Variants in SKIC3 observed in about 807,000 individuals in gnomAD.
SKIC3 encodes superkiller complex protein 3.
the SKIC3 span, among the ~76,000 whole-genome samples, chr5:95,499,329 T>C: frequency 6.6e-6 from 1 of 152,318 alleles, no homozygotes; most frequent in East Asian, 1.9e-4. Context: ...TTTAAAAGTG[T>C]GCAGCACTTT....
chr5:95,487,918 A>T, the SKIC3 span, among the ~76,000 whole-genome samples: 5 of 152,170 alleles, frequency 3.3e-5, no homozygotes, highest in South Asian at 6.2e-4. Flanking sequence ...AGAGAATACT[A>T]AAAACCAGTA....
the SKIC3 span, among the ~76,000 whole-genome samples, chr5:95,494,326 G>A: frequency 3.3e-5 from 5 of 151,978 alleles, no homozygotes; most frequent in Admixed American, 2.6e-4. Context: ...CTTATTTCAT[G>A]GAAATATAAA....
the SKIC3 span, among the ~76,000 whole-genome samples, chr5:95,519,232 C>T: frequency 2.0e-5 from 3 of 151,992 alleles, no homozygotes; most frequent in African/African-American, 7.2e-5. Flanking sequence ...AGAAAAACTT[C>T]AGCTATACAT....
the SKIC3 span, among the ~76,000 whole-genome samples, chr5:95,497,080 C>T: frequency 1.3e-5 from 2 of 152,176 alleles, no homozygotes; most frequent in African/African-American, 2.4e-5. Context: ...TTCAAAAACA[C>T]ATAGCTAATG....
At chr5:95,495,059 T>C in the SKIC3 span, 8 of 1,602,446 alleles carry the variant, frequency 5.0e-6, no homozygotes, top group South Asian at 7.7e-5. Context: ...ATGCAGAAAC[T>C]TTCATGAAAA....
At chr5:95,528,110 A>C in the SKIC3 span, 55 of 1,613,748 alleles carry the variant, frequency 3.4e-5, no homozygotes, top group Non-Finnish European at 7.6e-6. Flanking sequence ...CCTCTGATAA[A>C]GACTGTTACC....
the SKIC3 span, chr5:95,530,156 G>A: frequency 4.3e-6 from 7 of 1,613,510 alleles, no homozygotes; most frequent in East Asian, 2.2e-5. Flanking sequence ...CTAAGCCAAT[G>A]AGGCCTGGAC....
At chr5:95,471,062 T>C in the SKIC3 span, among the ~76,000 whole-genome samples, 1 of 152,192 alleles carries the variant, frequency 6.6e-6, no homozygotes, top group Admixed American at 6.5e-5. Context: ...CTGAGTGCAG[T>C]ATAGGCAATA....
At chr5:95,549,501 A>G in the SKIC3 span, among the ~76,000 whole-genome samples, 581 of 152,160 alleles carry the variant, frequency 3.8e-3, 4 homozygotes, top group South Asian at 7.2e-3. Flanking sequence ...TTCTAATATT[A>G]AATGTCCTTC....
At chr5:95,479,404 T>C in the SKIC3 span, among the ~76,000 whole-genome samples, 1 of 152,144 alleles carries the variant, frequency 6.6e-6, no homozygotes, top group South Asian at 2.1e-4. Context: ...AATTAAACTG[T>C]AGATTCTAAA....
At chr5:95,494,739 C>T in the SKIC3 span, 1 of 1,613,688 alleles carries the variant, frequency 6.2e-7, no homozygotes, top group Non-Finnish European at 8.5e-7. Flanking sequence ...TTTTCATCTT[C>T]TGCTGAACTG....
At chr5:95,464,430 T>C in the SKIC3 span, 1 of 541,644 alleles carries the variant, frequency 1.8e-6, no homozygotes, top group South Asian at 2.4e-5. Flanking sequence ...CAGATTAAAA[T>C]CAGGTTTGGA....
At chr5:95,509,595 T>A in the SKIC3 span, 17 of 1,606,330 alleles carry the variant, frequency 1.1e-5, no homozygotes, top group Non-Finnish European at 1.4e-5. Flanking sequence ...GTAGTTTACC[T>A]TTGGTATGCA....
the SKIC3 span, among the ~76,000 whole-genome samples, chr5:95,544,248 A>C: frequency 6.6e-6 from 1 of 152,158 alleles, no homozygotes; most frequent in Non-Finnish European, 1.5e-5. Context: ...ACCTGCTCCA[A>C]GATTTAAATT....
At chr5:95,470,026 G>A in the SKIC3 span, 2 of 1,248,494 alleles carry the variant, frequency 1.6e-6, no homozygotes, top group Non-Finnish European at 1.1e-6. Flanking sequence ...ACCCAGCCTG[G>A]AGTGCAGTGG....
chr5:95,549,921 G>T, the SKIC3 span, among the ~76,000 whole-genome samples: 2 of 151,632 alleles, frequency 1.3e-5, no homozygotes, highest in Non-Finnish European at 2.9e-5. Flanking sequence ...CTCTATTTTG[G>T]ATATTTCCCT....
At chr5:95,521,748 T>C in the SKIC3 span, among the ~76,000 whole-genome samples, 40 of 152,234 alleles carry the variant, frequency 2.6e-4, no homozygotes, top group Admixed American at 5.2e-4. Context: ...ACATGATGAA[T>C]TAATTATCAA....
chr5:95,517,042 T>C, the SKIC3 span: 1 of 1,613,704 alleles, frequency 6.2e-7, no homozygotes, highest in Non-Finnish European at 8.5e-7. Flanking sequence ...ACATCAGTTT[T>C]AATGCACGAC....
At chr5:95,495,390 C>A in the SKIC3 span, 1 of 200,488 alleles carries the variant, frequency 5.0e-6, no homozygotes, top group East Asian at 1.3e-4. Context: ...TTAAAACTTA[C>A]ATACTCTAGT....
Sources: allele counts gnomAD v4.1 joint callset (sites outside exome capture counted in the v4.1 genomes callset), GRCh38; gene constraint gnomAD v4.1.1; transcripts MANE v1.5; gene names NCBI Gene and HGNC (gene_info 2026-07-23, HGNC 2026-07-21).